Variants in FAM78B observed in about 807,000 individuals in gnomAD.
FAM78B encodes the protein protein FAM78B.
FAM78B carries 10 observed loss-of-function variants against 20.0 expected under a neutral mutation model. The ratio of observed to expected loss-of-function variants is 0.50; its 90% CI spans 0.31 to 0.85. The LOEUF is 0.85. FAM78B is among the 40% of genes least tolerant of loss of function. The pLI, the probability that FAM78B is intolerant of heterozygous loss-of-function variation, is 0.05. For synonymous variants in FAM78B, 135 were observed against 132.8 expected, an observed-to-expected ratio of 1.02 and a Z score of -0.12; for missense variants, 283 against 345.0, an observed-to-expected ratio of 0.82 and a Z score of 1.42.
intron 1 of FAM78B, among the ~76,000 whole-genome samples, chr1:166,156,413 C>T (rs1655899151): frequency 6.6e-6 from 1 of 152,206 alleles, no homozygotes; most frequent in Non-Finnish European, 1.5e-5. Context: ...CCATCCCTGA[C>T]TCCCATTCTT....
intron 1 of FAM78B, among the ~76,000 whole-genome samples, chr1:166,132,819 G>T (rs1654923009): frequency 6.6e-6 from 1 of 152,186 alleles, no homozygotes; most frequent in Admixed American, 6.5e-5. Flanking sequence ...CATATTGTTA[G>T]ATAAACAGTG....
chr1:166,127,761 G>A, intron 1 of FAM78B, among the ~76,000 whole-genome samples: 1 of 152,122 alleles, frequency 6.6e-6, no homozygotes, highest in East Asian at 1.9e-4. Context: ...GCAGGCGGAG[G>A]GGGTGGATGC....
chr1:166,150,841 A>G (rs988520097), intron 1 of FAM78B, among the ~76,000 whole-genome samples: 2 of 152,222 alleles, frequency 1.3e-5, no homozygotes, highest in African/African-American at 2.4e-5. Flanking sequence ...TAATGCCAGC[A>G]CTTTGGGAGG....
At chr1:166,084,353 CT>C (rs912070054) in intron 1 of FAM78B, among the ~76,000 whole-genome samples, 2 of 152,090 alleles carry the variant, frequency 1.3e-5, no homozygotes, top group Non-Finnish European at 2.9e-5. Flanking sequence ...CCTAGATGCC[CT>C]TTCTGGCATG....
Position 166,166,693 on chromosome 1 carries a change from C to CGCG in FAM78B, c.-448_-446dup. 1 of 149,874 alleles carries CGCG rather than the reference C, an allele frequency of 6.7e-6. No individual in the cohort carries two copies. The highest frequency in any genetic ancestry group is 1.5e-5 in the Non-Finnish European group (1 of 67,050). 9.3% of individuals were successfully genotyped at this position (149,874 alleles called of 1,614,324 possible). On this transcript the variant is annotated 5_prime_UTR_variant, in exon 1 of 2. Coordinates refer to ENST00000354422, the MANE Select transcript of FAM78B (RefSeq NM_001017961.5). The stretch of plus-strand genomic sequence containing the variant: ...TGGCAGCGCCCGGTCTGTCTGCCTC[C>CGCG]GCGGCGGCAGCAGCAGCAGCCGCCG...
chr1:166,078,171 A>G (rs1289161720), intron 1 of FAM78B, among the ~76,000 whole-genome samples: 1 of 151,688 alleles, frequency 6.6e-6, no homozygotes, highest in East Asian at 1.9e-4. Flanking sequence ...AGCTGGGACT[A>G]CAGGCATGTG....
chr1:166,128,639 C>T (rs1258859842), intron 1 of FAM78B, among the ~76,000 whole-genome samples: 1 of 152,220 alleles, frequency 6.6e-6, no homozygotes, highest in East Asian at 1.9e-4. Context: ...CCACTGCTAA[C>T]ATTCACAAGC....
intron 1 of FAM78B, among the ~76,000 whole-genome samples, chr1:166,099,174 T>C (rs941082383): frequency 6.6e-6 from 1 of 152,192 alleles, no homozygotes; most frequent in Non-Finnish European, 1.5e-5. Context: ...AAAGATACAG[T>C]TGTTTTCAGA....
intron 1 of FAM78B, among the ~76,000 whole-genome samples, chr1:166,127,005 C>T (rs4657519): frequency 0.93 from 141,533 of 152,238 alleles, 66,202 homozygotes; most frequent in Middle Eastern, 0.99. Context: ...TCCAAGAGAT[C>T]TCACCTGATT....
chr1:166,162,088 C>G (rs1475958355), intron 1 of FAM78B, among the ~76,000 whole-genome samples: 1 of 152,190 alleles, frequency 6.6e-6, no homozygotes, highest in Non-Finnish European at 1.5e-5. Flanking sequence ...CAGTTCCACA[C>G]AGAGAAGCCC....
rs974186804 is a variant in FAM78B, at chr1:166,100,940, C to A, written c.264-30177G>T. 5.3e-5 allele frequency among the ~76,000 whole-genome samples: 8 copies of A among 152,354 alleles called. No homozygotes were observed. The East Asian group carries it at 1.3e-3, about 26-fold the overall frequency. On this transcript the variant is annotated intron_variant, in intron 1 of 1. Transcript: ENST00000354422. The stretch of plus-strand genomic sequence containing the variant: ...CTGAGTAGCCTAACTGGGAGGCACC[C>A]CCAGTAGGGGCAAACTGACACCTCA...
At chr1:166,103,789 T>C (rs12090907) in intron 1 of FAM78B, among the ~76,000 whole-genome samples, 29,661 of 152,102 alleles carry the variant, frequency 0.2, 3,286 homozygotes, top group East Asian at 0.38. Context: ...GAGGAACTGG[T>C]ACCATTCCTT....
intron 2 of FAM78B, among the ~76,000 whole-genome samples, chr1:166,061,303 G>T (rs1206798038): frequency 1.3e-5 from 2 of 152,148 alleles, no homozygotes; most frequent in Non-Finnish European, 2.9e-5. Flanking sequence ...TTGCTCTAGG[G>T]TAAAGCCAAG....
At position 166,166,171 on chromosome 1, in the gene FAM78B, G is replaced by T. The variant is rs574315464; in HGVS notation, c.78C>A (p.Thr26=). The T allele has an allele frequency of 4.9e-5, 79 of 1,601,932 alleles. No individual in the cohort carries two copies. In the Middle Eastern group the frequency reaches 2.1e-3, roughly 44 times the overall value. ...CGATGCGCGTGGGGCACTGGTCGATGGTGGCGCACACATCGTACACCACGA... is the reference window on the plus strand; with the variant it reads ...CGATGCGCGTGGGGCACTGGTCGATTGTGGCGCACACATCGTACACCACGA... ...ENIVVYDVCA[T]IDQCPTRIEE... The change falls in exon 1 of 2, where the codon ACC becomes ACA. Residue 26 remains threonine (T), a synonymous_variant. Coordinates refer to ENST00000354422, the MANE Select transcript of FAM78B (RefSeq NM_001017961.5).
chr1:166,135,674 C>A (rs1211365312), intron 1 of FAM78B, among the ~76,000 whole-genome samples: 2 of 152,174 alleles, frequency 1.3e-5, no homozygotes, highest in African/African-American at 4.8e-5. Context: ...GGAGAAAGAA[C>A]CAAACTAGAG....
chr1:166,154,951 AATC>A (rs1655838313), intron 1 of FAM78B, among the ~76,000 whole-genome samples: 1 of 152,208 alleles, frequency 6.6e-6, no homozygotes, highest in Non-Finnish European at 1.5e-5. Flanking sequence ...TCTACTCTTT[AATC>A]AAGACCCTGC....
At chr1:166,124,484 AATAGCAAGTGG>A (rs1315458698) in intron 1 of FAM78B, among the ~76,000 whole-genome samples, 3 of 152,222 alleles carry the variant, frequency 2.0e-5, no homozygotes, top group Non-Finnish European at 4.4e-5. Context: ...GGGTACTACT[AATAGCAAGTGG>A]AGCTTGCTTT....
intron 1 of FAM78B, among the ~76,000 whole-genome samples, chr1:166,162,028 T>TG (rs2101807388): frequency 6.6e-6 from 1 of 152,220 alleles, no homozygotes; most frequent in East Asian, 1.9e-4. Flanking sequence ...TGAGGTAAGA[T>TG]GGAGTTACAG....
intron 1 of FAM78B, among the ~76,000 whole-genome samples, chr1:166,123,910 G>A (rs530830397): frequency 2.0e-5 from 3 of 152,260 alleles, no homozygotes; most frequent in South Asian, 2.1e-4. Flanking sequence ...TAATTATTGC[G>A]GCCAGTAGAA....
Sources: allele counts gnomAD v4.1 joint callset (sites outside exome capture counted in the v4.1 genomes callset), GRCh38; gene constraint gnomAD v4.1.1; transcripts MANE v1.5; gene names NCBI Gene and HGNC (gene_info 2026-07-23, HGNC 2026-07-21).